The following UGT1A9 variants were observed in gnomAD, a reference collection of about 807,000 sequenced individuals.
The protein encoded by UGT1A9 is UDP-glucuronosyltransferase 1A9.
A neutral mutation model predicts 45.0 loss-of-function variants in UGT1A9; 35 were observed. That is an observed-to-expected ratio of 0.78 (90% CI 0.59 to 1.03). The LOEUF is 1.03. UGT1A9 is among the 50% of genes least tolerant of loss of function. The pLI, the probability that UGT1A9 is intolerant of heterozygous loss-of-function variation, is 0.00. For synonymous variants in UGT1A9, 278 were observed against 250.6 expected, an observed-to-expected ratio of 1.11 and a Z score of -1.03; for missense variants, 687 against 666.6, an observed-to-expected ratio of 1.03 and a Z score of -0.34.
At chr2:233,689,335 A>G (rs910891735) in intron 1 of UGT1A9, among the ~76,000 whole-genome samples, 4 of 152,252 alleles carry the variant, frequency 2.6e-5, no homozygotes, top group African/African-American at 9.6e-5. Flanking sequence ...GAGATTTGCA[A>G]TGGGAGAAAG....
intron 1 of UGT1A9, among the ~76,000 whole-genome samples, chr2:233,684,687 A>AGAT (rs1265128728): frequency 3.3e-5 from 5 of 152,254 alleles, no homozygotes; most frequent in African/African-American, 1.2e-4. Context: ...TAGGATTTAT[A>AGAT]GATGTGGAAG....
At position 233,772,325 on chromosome 2, in the gene UGT1A9, C is replaced by CGTGTT; in HGVS notation, c.1359_1360insGTGTT (p.Leu454ValfsTer11). The CGTGTT allele has an allele frequency of 6.2e-7, 1 of 1,614,136 alleles. No individual in the cohort carries two copies. Among genetic ancestry groups the CGTGTT allele is most frequent in the Non-Finnish European group, 8.5e-7 (1 of 1,180,020 alleles). ...AGGACCGCCCGGTGGAGCCGCTGGA[C>CGTGTT]CTGGCCGTGTTCTGGGTGGAGTTTG... On this transcript the variant is annotated frameshift_variant, in exon 5 of 5. Transcript: ENST00000354728. LOFTEE classifies it high-confidence loss of function.
intron 1 of UGT1A9, among the ~76,000 whole-genome samples, chr2:233,673,306 C>T (rs2074256536): frequency 6.6e-6 from 1 of 152,116 alleles, no homozygotes; most frequent in Non-Finnish European, 1.5e-5. Flanking sequence ...CCAATACAGA[C>T]AGATTTGACA....
At chr2:233,758,188 A>G (rs1349167562) in intron 1 of UGT1A9, among the ~76,000 whole-genome samples, 2 of 152,180 alleles carry the variant, frequency 1.3e-5, no homozygotes, top group African/African-American at 4.8e-5. Flanking sequence ...TATTAATTGG[A>G]TTGCTTAGTA....
At chr2:233,726,448 G>A (rs566259784) in intron 1 of UGT1A9, among the ~76,000 whole-genome samples, 1 of 152,244 alleles carries the variant, frequency 6.6e-6, no homozygotes, top group East Asian at 1.9e-4. Flanking sequence ...TCTTTCCACT[G>A]AATGTAAGCT....
intron 1 of UGT1A9, among the ~76,000 whole-genome samples, chr2:233,756,852 C>T (rs11568318): frequency 6.6e-5 from 10 of 152,088 alleles, no homozygotes; most frequent in East Asian, 1.9e-4. Flanking sequence ...AACATTCTAA[C>T]GGTTCATAAA....
At chr2:233,760,415 T>C in intron 1 of UGT1A9, 2 of 1,614,208 alleles carry the variant, frequency 1.2e-6, no homozygotes, top group Admixed American at 1.7e-5. Flanking sequence ...TGGCTGAGCA[T>C]GCTTGGGGCC....
intron 1 of UGT1A9, chr2:233,747,826 T>C: frequency 3.7e-6 from 6 of 1,613,534 alleles, no homozygotes; most frequent in Non-Finnish European, 5.1e-6. Context: ...TCAGACCACA[T>C]GACATTCCTG....
intron 1 of UGT1A9, among the ~76,000 whole-genome samples, chr2:233,728,329 C>T (rs541948735): frequency 6.6e-6 from 1 of 152,154 alleles, no homozygotes; most frequent in Admixed American, 6.5e-5. Flanking sequence ...GGCTCCAGCT[C>T]CCCCAGTCCC....
At chr2:233,742,446 G>A (rs1691980531) in intron 1 of UGT1A9, among the ~76,000 whole-genome samples, 1 of 151,938 alleles carries the variant, frequency 6.6e-6, no homozygotes, top group South Asian at 2.1e-4. Flanking sequence ...GGTGGGCCAG[G>A]TGTTCCTTGC....
In UGT1A9 at chr2:233,693,556, A is replaced by C. The variant is rs1105879; in HGVS notation, c.855+20767A>C. The C allele has an allele frequency of 0.35, 557,689 of 1,613,924 alleles. 98,561 individuals carry two copies. The highest frequency in any genetic ancestry group is 0.44 in the South Asian group (40,333 of 91,082). ...GTTCCCTGGAGCATACATTCAGCAG[A>C]AGCCCAGACCCTGTGTCCTACATTC... On this transcript the variant is annotated intron_variant, in intron 1 of 4. Coordinates refer to ENST00000354728, the MANE Select transcript of UGT1A9 (RefSeq NM_021027.3).
At chr2:233,676,052 G>T (rs776743644) in intron 1 of UGT1A9, among the ~76,000 whole-genome samples, 2 of 152,140 alleles carry the variant, frequency 1.3e-5, no homozygotes, top group African/African-American at 2.4e-5. Flanking sequence ...CAATTGACTA[G>T]GTGCCAAAGT....
chr2:233,718,130 TGG>T, intron 1 of UGT1A9: 1 of 281,258 alleles, frequency 3.6e-6, no homozygotes. Flanking sequence ...ATGGTGTAGA[TGG>T]AGAATCCTCA....
chr2:233,762,134 T>C (rs1697981435), intron 1 of UGT1A9, among the ~76,000 whole-genome samples: 1 of 152,212 alleles, frequency 6.6e-6, no homozygotes, highest in African/African-American at 2.4e-5. Flanking sequence ...TGTGGGGACC[T>C]GTGTGACTTT....
chr2:233,697,239 A>G (rs2075381553), intron 1 of UGT1A9, among the ~76,000 whole-genome samples: 1 of 152,000 alleles, frequency 6.6e-6, no homozygotes, highest in Non-Finnish European at 1.5e-5. Context: ...ACTTTTTATT[A>G]CTGCTTCAAT....
rs374589183 is a variant in UGT1A9, at chr2:233,672,303, T to C, written c.369T>C (p.Asn123=). The change falls in exon 1 of 5, where the codon AAT becomes AAC. Residue 123 remains asparagine, a synonymous_variant. Coordinates refer to ENST00000354728, the MANE Select transcript of UGT1A9 (RefSeq NM_021027.3). Reference sequence around the variant, plus strand: ...ACATTTTTGACTTATTTTTTTCAAATTGCAGGAGTTTGTTTAAAGACAAAA... The same window carrying C: ...ACATTTTTGACTTATTTTTTTCAAACTGCAGGAGTTTGTTTAAAGACAAAA... ...YNDIFDLFFS[N]CRSLFKDKKL... The C allele has an allele frequency of 1.9e-6, 3 of 1,614,030 alleles. No homozygotes were observed. Among genetic ancestry groups the C allele is most frequent in the Non-Finnish European group, 2.5e-6 (3 of 1,179,962 alleles).
intron 1 of UGT1A9, among the ~76,000 whole-genome samples, chr2:233,756,671 T>G (rs1269369831): frequency 6.6e-6 from 1 of 152,214 alleles, no homozygotes; most frequent in Admixed American, 6.5e-5. Flanking sequence ...TTATTTCCGC[T>G]AGAACTGCTA....
intron 1 of UGT1A9, among the ~76,000 whole-genome samples, chr2:233,744,543 A>T (rs946291189): frequency 4.6e-5 from 7 of 152,050 alleles, no homozygotes; most frequent in East Asian, 1.9e-4. Flanking sequence ...TGTAAATTTT[A>T]TTAAGACAAA....
intron 1 of UGT1A9, among the ~76,000 whole-genome samples, chr2:233,733,960 G>T (rs2078458395): frequency 6.6e-6 from 1 of 151,916 alleles, no homozygotes; most frequent in African/African-American, 2.4e-5. Flanking sequence ...CTGTTGTGGG[G>T]TAGGGGGAGC....
Sources: allele counts gnomAD v4.1 joint callset (sites outside exome capture counted in the v4.1 genomes callset), GRCh38; gene constraint gnomAD v4.1.1; transcripts MANE v1.5; gene names NCBI Gene and HGNC (gene_info 2026-07-23, HGNC 2026-07-21).